Variants in ELSPBP1 observed in about 807,000 individuals in gnomAD.
The protein encoded by ELSPBP1 is epididymal sperm-binding protein 1.
In ELSPBP1, 38 loss-of-function variants were observed where a neutral mutation model predicts 33.3. The ratio of observed to expected loss-of-function variants is 1.14; its 90% CI spans 0.88 to 1.50. The LOEUF is 1.50. ELSPBP1 is among the 40% of genes most tolerant of loss of function. ELSPBP1 has a pLI of 0.00. For missense variants in ELSPBP1, 267 were observed against 263.5 expected, an observed-to-expected ratio of 1.01 and a Z score of -0.09; for synonymous variants, 85 against 94.1, an observed-to-expected ratio of 0.90 and a Z score of 0.56.
intron 1 of ELSPBP1, among the ~76,000 whole-genome samples, chr19:48,004,587 C>G (rs1172700336): frequency 6.6e-6 from 1 of 152,142 alleles, no homozygotes; most frequent in Non-Finnish European, 1.5e-5. Flanking sequence ...CCTCTCACGT[C>G]TCCCTCCTCC....
chr19:48,017,474 G>A (rs1967154424), intron 4 of ELSPBP1, among the ~76,000 whole-genome samples: 1 of 151,974 alleles, frequency 6.6e-6, no homozygotes, highest in Non-Finnish European at 1.5e-5. Flanking sequence ...ACTCTAAATT[G>A]TATCATTAAT....
chr19:48,018,750 C>G (rs1488359963), intron 4 of ELSPBP1, among the ~76,000 whole-genome samples: 2 of 152,066 alleles, frequency 1.3e-5, no homozygotes, highest in Admixed American at 6.6e-5. Context: ...AAACCCCAAC[C>G]CCTTAGTCAA....
chr19:48,009,799 C>A (rs1415694830), intron 2 of ELSPBP1, among the ~76,000 whole-genome samples: 1 of 150,426 alleles, frequency 6.6e-6, no homozygotes, highest in East Asian at 1.9e-4. Flanking sequence ...TTTTTTTTTT[C>A]TTGGTTCTGC....
At chr19:48,019,636 G>C in intron 4 of ELSPBP1, 83 bp from the exon 5 acceptor site, 1 of 1,381,532 alleles carries the variant, frequency 7.2e-7, no homozygotes, top group Non-Finnish European at 1.0e-6. Context: ...ATGGGATAAA[G>C]CGTGGCACAG....
chr19:48,002,786 C>T (rs1966980271), intron 1 of ELSPBP1, among the ~76,000 whole-genome samples: 1 of 119,216 alleles, frequency 8.4e-6, no homozygotes, highest in Non-Finnish European at 1.8e-5. Context: ...AGCAAGACTT[C>T]ATCTCAAAAA....
Position 47,998,268 on chromosome 19 carries a change from C to T in ELSPBP1, c.-18+3457C>T, listed in dbSNP as rs532961999. 4.6e-5 allele frequency among the ~76,000 whole-genome samples: 7 copies of T among 151,850 alleles called. No individual in the cohort carries two copies. In the East Asian group the frequency reaches 5.8e-4, roughly 13 times the overall value. Reference sequence around the variant, plus strand: ...CTCTACTAAAAATACAAAAATTAGCCGGGTGCAGTGGCAGGCGCCTGTAAT... The same window carrying T: ...CTCTACTAAAAATACAAAAATTAGCTGGGTGCAGTGGCAGGCGCCTGTAAT... On this transcript the variant is annotated intron_variant, in intron 1 of 6. Transcript: ENST00000339841.
chr19:48,000,983 A>C (rs866099770), intron 1 of ELSPBP1, among the ~76,000 whole-genome samples: 1 of 152,148 alleles, frequency 6.6e-6, no homozygotes, highest in Admixed American at 6.6e-5. Flanking sequence ...AGTCAGTCTC[A>C]CTGGGGCTAA....
intron 4 of ELSPBP1, among the ~76,000 whole-genome samples, chr19:48,016,467 TCTTTC>T (rs1568407339): frequency 0.015 from 565 of 38,004 alleles, 9 homozygotes; most frequent in East Asian, 0.018. Flanking sequence ...TTTCTTTCCT[TCTTTC>T]TTTCTTTCTT....
intron 2 of ELSPBP1, among the ~76,000 whole-genome samples, chr19:48,010,442 C>T (rs1323938030): frequency 6.6e-6 from 1 of 152,166 alleles, no homozygotes; most frequent in Non-Finnish European, 1.5e-5. Context: ...AAGTTCCAGA[C>T]ATTGTGTTAT....
chr19:48,008,782 G>C (rs773875483), intron 2 of ELSPBP1, 45 bp downstream of exon 2: 8 of 1,531,572 alleles, frequency 5.2e-6, no homozygotes, highest in Non-Finnish European at 7.2e-6. Context: ...AGCTGGAGAA[G>C]AATGAATGGG....
intron 1 of ELSPBP1, among the ~76,000 whole-genome samples, chr19:48,007,784 C>T (rs1224617003): frequency 6.6e-6 from 1 of 152,022 alleles, no homozygotes; most frequent in East Asian, 1.9e-4. Flanking sequence ...GGGTTAGAAC[C>T]CAGACCCTGC....
At chr19:48,017,920 A>G (rs923609719) in intron 4 of ELSPBP1, among the ~76,000 whole-genome samples, 1 of 140,770 alleles carries the variant, frequency 7.1e-6, no homozygotes, top group African/African-American at 2.6e-5. Context: ...AAAAAAAAAA[A>G]GGAGGAAAAG....
At chr19:48,022,105 C>T in intron 5 of ELSPBP1, 65 bp from the exon 6 acceptor site, 2 of 1,476,844 alleles carry the variant, frequency 1.4e-6, no homozygotes, top group Middle Eastern at 1.8e-4. Context: ...GGCCTGAAGC[C>T]CACGCCTCTA....
chr19:48,015,902 G>T lies in ELSPBP1; in HGVS notation c.218G>T (p.Arg73Leu). 1 of 1,609,188 alleles carries T rather than the reference G, an allele frequency of 6.2e-7. No homozygotes were observed. Among genetic ancestry groups the T allele is most frequent in the Non-Finnish European group, 8.5e-7 (1 of 1,176,068 alleles). ...WKYCQSEDYP[R>L]CIFPFIYRGK... is the part of the protein sequence containing the mutation. ...ACTCTGTTCCTAACAGATTACCCAC[G>T]CTGTATCTTCCCTTTCATCTATCGA... is the stretch of plus-strand genomic sequence containing the variant. Residue 73 changes from arginine to leucine, a missense_variant, in exon 4 of 7, where the codon CGC (arginine) becomes CTC (leucine). Coordinates refer to ENST00000339841, the MANE Select transcript of ELSPBP1 (RefSeq NM_022142.5).
intron 3 of ELSPBP1, among the ~76,000 whole-genome samples, chr19:48,014,775 G>A (rs114747006): frequency 6.6e-6 from 1 of 151,252 alleles, no homozygotes; most frequent in African/African-American, 2.4e-5. Context: ...AAAAAGAAAA[G>A]GCTCTGGGAT....
intron 6 of ELSPBP1, among the ~76,000 whole-genome samples, chr19:48,022,875 A>T (rs1010754960): frequency 1.8e-5 from 2 of 109,570 alleles, no homozygotes; most frequent in African/African-American, 3.3e-5. Flanking sequence ...ATGTAGCAAG[A>T]CCCTGTCTCT....
intron 1 of ELSPBP1, among the ~76,000 whole-genome samples, chr19:48,003,110 A>G (rs926592096): frequency 4.6e-5 from 7 of 152,174 alleles, no homozygotes; most frequent in Non-Finnish European, 7.3e-5. Flanking sequence ...CAGTGCCCAA[A>G]GCATAACTTG....
chr19:48,019,609 A>G lies in ELSPBP1; in HGVS notation c.356-110A>G, dbSNP rs116614846. ...ATCCGGAAGTTGCTTGGAGAATCCA[A>G]TGTGACGTTGCCTTTAATGGGATAA... On this transcript the variant is annotated intron_variant, in intron 4 of 6. Coordinates refer to ENST00000339841, the MANE Select transcript of ELSPBP1 (RefSeq NM_022142.5). 8.9e-4 allele frequency: 942 copies of G among 1,057,168 alleles called. 8 individuals are homozygous for G. In the African/African-American group the frequency reaches 0.013, roughly 15 times the overall value. 65.5% of individuals were successfully genotyped at this position (1,057,168 alleles called of 1,614,324 possible). A position where few individuals can be genotyped will look rare whatever the true frequency, so the allele number is the denominator to read the frequency against.
chr19:48,023,514 AAT>A (rs1967233639), intron 6 of ELSPBP1, among the ~76,000 whole-genome samples: 2 of 88,364 alleles, frequency 2.3e-5, no homozygotes, highest in Non-Finnish European at 5.6e-5. Flanking sequence ...AGAGGAAGGA[AAT>A]AAGGAAGGAA....
Sources: gnomAD v4.1 joint callset for allele counts (sites outside exome capture counted in the v4.1 genomes callset) on GRCh38, gnomAD v4.1.1 for gene constraint, MANE v1.5 for transcripts, NCBI Gene and HGNC (gene_info 2026-07-23, HGNC 2026-07-21) for gene names.